The following NTM variants were observed in gnomAD, a reference collection of about 807,000 sequenced individuals.
NTM encodes the protein neurotrimin.
In NTM, 13 loss-of-function variants were observed where a neutral mutation model predicts 42.1. That is an observed-to-expected ratio of 0.31 (90% CI 0.20 to 0.49). The LOEUF is 0.49. Ranked by LOEUF, NTM falls within the 20% of genes least tolerant of loss-of-function variation. NTM has a pLI of 0.99. For synonymous variants in NTM, 187 were observed against 179.2 expected (o/e 1.04, Z -0.35); for missense variants, 373 against 452.8 (o/e 0.82, Z 1.60).
intron 2 of NTM, among the ~76,000 whole-genome samples, chr11:132,098,502 C>T (rs75255000): frequency 0.016 from 2,379 of 152,324 alleles, 61 homozygotes; most frequent in African/African-American, 0.052. Flanking sequence ...CTCCTACCCA[C>T]GTGCTTGAAT....
At chr11:131,607,865 C>T (rs942704868) in intron 1 of NTM, among the ~76,000 whole-genome samples, 10 of 148,926 alleles carry the variant, frequency 6.7e-5, no homozygotes, top group Non-Finnish European at 8.9e-5. Flanking sequence ...ACGGTTTGAT[C>T]GGTAGACATT....
chr11:131,989,975 G>C (rs188288019), intron 2 of NTM, among the ~76,000 whole-genome samples: 1 of 152,214 alleles, frequency 6.6e-6, no homozygotes. Context: ...TTTCATGCAA[G>C]AAGTTGTAAA....
In NTM at chr11:131,686,923, C is replaced by A. The variant is rs192848851; in HGVS notation, c.83-224641C>A. Among the ~76,000 whole-genome samples the A allele has an allele frequency of 1.2e-3, 184 of 152,350 alleles. 1 individual carries two copies. The highest frequency in any genetic ancestry group is 1.8e-4 in the Non-Finnish European group (12 of 68,020). The stretch of plus-strand genomic sequence containing the variant: ...TAATTAGAGGCAATCATAACCCAGA[C>A]TTGACCTGCCAGGGCACACTGGAGT... On this transcript the variant is annotated intron_variant, in intron 1 of 8. Coordinates refer to ENST00000683400, the MANE Select transcript of NTM (RefSeq NM_001352005.2).
chr11:131,662,657 G>A (rs907744758), intron 1 of NTM, among the ~76,000 whole-genome samples: 3 of 152,186 alleles, frequency 2.0e-5, no homozygotes, highest in Non-Finnish European at 4.4e-5. Flanking sequence ...GGGAACATTC[G>A]TGTGTTTTTG....
At chr11:131,977,066 C>T (rs949229226) in intron 2 of NTM, among the ~76,000 whole-genome samples, 26 of 152,196 alleles carry the variant, frequency 1.7e-4, no homozygotes, top group African/African-American at 6.0e-4. Flanking sequence ...CCATTGGAAG[C>T]TTTCTATGCA....
At position 131,601,589 on chromosome 11, in the gene NTM, T is replaced by C. The variant is rs79138337; in HGVS notation, c.82+230701T>C. Reference sequence around the variant, plus strand: ...CCACCTCAAACCCCCTTCCCTCTCCTTTTTTTTTTTTAAGGCAGCCCCAGG... The same window carrying C: ...CCACCTCAAACCCCCTTCCCTCTCCCTTTTTTTTTTTAAGGCAGCCCCAGG... On this transcript the variant is annotated intron_variant, in intron 1 of 8. Transcript: ENST00000683400. Among the ~76,000 whole-genome samples, 6 of 142,494 alleles carry C rather than the reference T, an allele frequency of 4.2e-5. 1 individual carries two copies. The highest frequency in any genetic ancestry group is 4.4e-4 in the South Asian group (2 of 4,504). 93.5% of individuals were successfully genotyped at this position (142,494 alleles called of 152,430 possible).
rs73587336 is a variant in NTM at position 132,051,041 on chromosome 11, A to G, written c.168-95241A>G. Among the ~76,000 whole-genome samples, 790 of 152,342 alleles carry G rather than the reference A, an allele frequency of 5.2e-3. 9 individuals are homozygous for G. Among genetic ancestry groups the G allele is most frequent in the African/African-American group, 0.018 (755 of 41,566 alleles). ...TGGGTTGGCTGACCTTGGTAAAGAC[A>G]GATGCCTTGCTCCTTGGTTAAGGAT... On this transcript the variant is annotated intron_variant, in intron 2 of 8. Coordinates refer to ENST00000683400, the MANE Select transcript of NTM (RefSeq NM_001352005.2).
chr11:132,120,765 C>T (rs1028066311), intron 2 of NTM, among the ~76,000 whole-genome samples: 5 of 152,222 alleles, frequency 3.3e-5, no homozygotes, highest in East Asian at 3.9e-4. Flanking sequence ...GAGAGCTTAG[C>T]GTCCTTTTCT....
At position 131,986,623 on chromosome 11, in the gene NTM, C is replaced by G. The variant is rs555000008; in HGVS notation, c.167+74975C>G. Among the ~76,000 whole-genome samples, 385 of 152,308 alleles carry G rather than the reference C, an allele frequency of 2.5e-3. 1 individual carries two copies. The highest frequency in any genetic ancestry group is 4.0e-3 in the Non-Finnish European group (271 of 68,030). ...GCCCCTTCTGTCCAGAACTTTCTAT[C>G]TTATACTCCTATTTTAACATTTTCC... is the stretch of plus-strand genomic sequence containing the variant. On this transcript the variant is annotated intron_variant, in intron 2 of 8. Transcript: ENST00000683400.
At chr11:131,828,890 A>C (rs556540662) in intron 1 of NTM, among the ~76,000 whole-genome samples, 1 of 152,096 alleles carries the variant, frequency 6.6e-6, no homozygotes, top group African/African-American at 2.4e-5. Flanking sequence ...GCTAGTAAAA[A>C]TGTTCCTTTT....
chr11:132,298,444 G>A (rs1364115982), intron 4 of NTM, among the ~76,000 whole-genome samples: 8 of 152,080 alleles, frequency 5.3e-5, no homozygotes, highest in African/African-American at 7.2e-5. Flanking sequence ...ATCATCACGC[G>A]TAATAGAGGG....
At chr11:131,423,053 G>A (rs1009607528) in intron 1 of NTM, among the ~76,000 whole-genome samples, 4 of 152,192 alleles carry the variant, frequency 2.6e-5, no homozygotes, top group Non-Finnish European at 5.9e-5. Flanking sequence ...AGGACTATCA[G>A]CATTTTCATC....
chr11:132,198,353 T>C (rs1386234989), intron 3 of NTM, among the ~76,000 whole-genome samples: 1 of 152,112 alleles, frequency 6.6e-6, no homozygotes, highest in Non-Finnish European at 1.5e-5. Context: ...CATGCCAGCA[T>C]AAACAGCTAA....
intron 2 of NTM, among the ~76,000 whole-genome samples, chr11:132,039,070 C>T (rs2076860224): frequency 6.6e-6 from 1 of 152,188 alleles, no homozygotes; most frequent in African/African-American, 2.4e-5. Flanking sequence ...GTGTTTGTGC[C>T]AGGTAATCCC....
Position 131,850,758 on chromosome 11 carries a change from C to T in NTM, c.83-60806C>T, listed in dbSNP as rs1185397901. On this transcript the variant is annotated intron_variant, in intron 1 of 8. Coordinates refer to ENST00000683400, the MANE Select transcript of NTM (RefSeq NM_001352005.2). Reference sequence around the variant, plus strand: ...TCGGATTTGGCTGCGATTGTCTCGTCGATAAATGTCCTGGCAGGAAATTAC... The same window carrying T: ...TCGGATTTGGCTGCGATTGTCTCGTTGATAAATGTCCTGGCAGGAAATTAC... 3.3e-5 allele frequency among the ~76,000 whole-genome samples: 5 copies of T among 152,134 alleles called. No individual in the cohort carries two copies. The East Asian group carries it at 5.8e-4, about 18-fold the overall frequency.
At chr11:131,763,707 C>CTTTTTTTTTTTTTTTTTTTT (rs1443279848) in intron 1 of NTM, among the ~76,000 whole-genome samples, 3 of 60,764 alleles carry the variant, frequency 4.9e-5, no homozygotes, top group African/African-American at 1.3e-4. Flanking sequence ...CCATCTCTCT[C>CTTTTTTTTTTTTTTTTTTTT]TCTTTTTTTT....
At chr11:131,763,111 T>C (rs2084494216) in intron 1 of NTM, among the ~76,000 whole-genome samples, 2 of 152,112 alleles carry the variant, frequency 1.3e-5, no homozygotes, top group South Asian at 4.1e-4. Flanking sequence ...GGTCCTCAGG[T>C]AGGGGATGGT....
intron 7 of NTM, among the ~76,000 whole-genome samples, chr11:132,321,262 G>C (rs187317388): frequency 3.3e-5 from 5 of 152,104 alleles, no homozygotes; most frequent in Admixed American, 3.3e-4. Context: ...CAAAGGCAAA[G>C]AAGTTGAAAA....
In NTM at chr11:131,441,003, G is replaced by A. The variant is rs371674457; in HGVS notation, c.82+70115G>A. On this transcript the variant is annotated intron_variant, in intron 1 of 8. Transcript: ENST00000683400. The stretch of plus-strand genomic sequence containing the variant: ...TTCCATCCTATACAATTTTGCCAAC[G>A]TGTTTCATCTGCTGATGTTTTCTCT... 9.5e-4 allele frequency among the ~76,000 whole-genome samples: 145 copies of A among 152,026 alleles called. 1 individual carries two copies. Among genetic ancestry groups the A allele is most frequent in the African/African-American group, 3.2e-3 (131 of 41,460 alleles).
Sources: allele counts gnomAD v4.1 joint callset (sites outside exome capture counted in the v4.1 genomes callset), GRCh38; gene constraint gnomAD v4.1.1; transcripts MANE v1.5; gene names NCBI Gene and HGNC (gene_info 2026-07-23, HGNC 2026-07-21).